PCDHGB6: variants seen among roughly 807,000 people sequenced by gnomAD.
PCDHGB6 encodes protocadherin gamma-B6.
PCDHGB6 carries 51 observed loss-of-function variants against 59.1 expected under a neutral mutation model. That is an observed-to-expected ratio of 0.86 (90% CI 0.69 to 1.09). The LOEUF is 1.09. Ranked by LOEUF, PCDHGB6 falls within the 50% of genes least tolerant of loss-of-function variation. The pLI is 0.00. For missense variants in PCDHGB6, 1,148 were observed against 1,205.1 expected (o/e 0.95, Z 0.70); for synonymous variants, 466 against 495.1 (o/e 0.94, Z 0.78).
At chr5:141,442,754 T>C (rs2098341364) in intron 1 of PCDHGB6, among the ~76,000 whole-genome samples, 1 of 152,220 alleles carries the variant, frequency 6.6e-6, no homozygotes, top group Non-Finnish European at 1.5e-5. Flanking sequence ...GTTTTGATTA[T>C]ATATATTTGT....
Position 141,438,593 on chromosome 5 carries a change from T to TAC in PCDHGB6, c.2418+27974_2418+27975insCA, listed in dbSNP as rs1414976871. Reference sequence around the variant, plus strand: ...TGATATACATACATACATACATACATATATATATATATATATATATATATA... The same window carrying TAC: ...TGATATACATACATACATACATACATACATATATATATATATATATATATATA... On this transcript the variant is annotated intron_variant, in intron 1 of 3. Transcript: ENST00000520790. Among the ~76,000 whole-genome samples the TAC allele has an allele frequency of 1.6e-3, 115 of 73,944 alleles. 1 individual carries two copies. The highest frequency in any genetic ancestry group is 2.9e-3 in the African/African-American group (63 of 21,786). The allele number at this position is 73,944 out of a possible 152,430, so 48.5% of individuals were successfully genotyped here. A position where few individuals can be genotyped will look rare whatever the true frequency, so the allele number is the denominator to read the frequency against.
intron 1 of PCDHGB6, among the ~76,000 whole-genome samples, chr5:141,449,543 C>T (rs377524476): frequency 2.7e-5 from 4 of 147,148 alleles, no homozygotes; most frequent in Non-Finnish European, 4.5e-5. Context: ...GAGCCGAGAT[C>T]GCACCACTGC....
chr5:141,425,119 T>G (rs1234720658), intron 1 of PCDHGB6, among the ~76,000 whole-genome samples: 1 of 152,220 alleles, frequency 6.6e-6, no homozygotes, highest in Non-Finnish European at 1.5e-5. Context: ...ACATTTTTCT[T>G]GAAGTCAAGA....
chr5:141,478,337 T>C (rs766980546), intron 1 of PCDHGB6: 1 of 1,613,942 alleles, frequency 6.2e-7, no homozygotes, highest in Non-Finnish European at 8.5e-7. Context: ...ACCAGGGCCC[T>C]CCTTGCACGC....
Position 141,432,691 on chromosome 5 carries a change from G to A in PCDHGB6, c.2418+22071G>A, listed in dbSNP as rs1308174141. Reference sequence around the variant, plus strand: ...ACGCGCTCAAGCAGAGCCTCGTAGTGGCCGTCCAGGACCACGGCCAGCCCC... The same window carrying A: ...ACGCGCTCAAGCAGAGCCTCGTAGTAGCCGTCCAGGACCACGGCCAGCCCC... On this transcript the variant is annotated intron_variant, in intron 1 of 3. Transcript: ENST00000520790. The surrounding 1 kb of genome is among the most constrained non-coding windows in gnomAD (Gnocchi z 6.0). 1 of 1,613,942 alleles carries A rather than the reference G, an allele frequency of 6.2e-7. No individual in the cohort carries two copies. Among genetic ancestry groups the A allele is most frequent in the South Asian group, 1.1e-5 (1 of 91,068 alleles).
At chr5:141,421,184 C>G (rs2096551183) in intron 1 of PCDHGB6, 1 of 1,457,940 alleles carries the variant, frequency 6.9e-7, no homozygotes, top group African/African-American at 1.4e-5. Context: ...CGATTCACAA[C>G]CAACCAGCTC....
intron 1 of PCDHGB6, chr5:141,419,140 G>A (rs1359933027): frequency 1.2e-6 from 2 of 1,613,750 alleles, no homozygotes; most frequent in East Asian, 2.2e-5. Flanking sequence ...CCACAGACAG[G>A]GGCAAGCCTC....
chr5:141,485,762 G>A lies in PCDHGB6; in HGVS notation c.2419-9045G>A, dbSNP rs774145313. 3.1e-6 allele frequency: 5 copies of A among 1,614,226 alleles called. No homozygotes were observed. The highest frequency in any genetic ancestry group is 3.3e-5 in the Admixed American group (2 of 60,030). ...CAGCCTGGTCCCAGAGCTGCTCCTG[G>A]AGAAGCCTTTGGATCGAGAGAAGCA... On this transcript the variant is annotated intron_variant, in intron 1 of 3. Transcript: ENST00000520790. The surrounding 1 kb of genome is among the most constrained non-coding windows in gnomAD (Gnocchi z 5.7).
chr5:141,413,024 C>G, intron 1 of PCDHGB6: 1 of 736,254 alleles, frequency 1.4e-6, no homozygotes, highest in Non-Finnish European at 2.1e-6. Context: ...ACAAGCCCCA[C>G]AAACCGGCTG....
In PCDHGB6 at chr5:141,477,787, C is replaced by A; in HGVS notation, c.2419-17020C>A. The stretch of plus-strand genomic sequence containing the variant: ...CCAACATCAGCGTGAACATATTTGT[C>A]ACTGATCGCAATGACAATGCCCCCC... On this transcript the variant is annotated intron_variant, in intron 1 of 3. Transcript: ENST00000520790. The surrounding 1 kb of genome is among the most constrained non-coding windows in gnomAD (Gnocchi z 4.9). The A allele has an allele frequency of 6.2e-7, 1 of 1,614,092 alleles. No homozygotes were observed. The highest frequency in any genetic ancestry group is 8.5e-7 in the Non-Finnish European group (1 of 1,180,034).
At chr5:141,469,951 T>G (rs1467717372) in intron 1 of PCDHGB6, among the ~76,000 whole-genome samples, 2 of 152,034 alleles carry the variant, frequency 1.3e-5, no homozygotes, top group African/African-American at 4.8e-5. Context: ...GCCAGCATGG[T>G]GAAACCCCAT....
At position 141,438,243 on chromosome 5, in the gene PCDHGB6, A is replaced by C. The variant is rs1445738408; in HGVS notation, c.2418+27623A>C. ...TGGTTCAGGAAAATGTTTTTAAAAA[A>C]CTGTCATTGAAGAGACCATAGAATC... On this transcript the variant is annotated intron_variant, in intron 1 of 3. Coordinates refer to ENST00000520790, the MANE Select transcript of PCDHGB6 (RefSeq NM_018926.3). Among the ~76,000 whole-genome samples, 3 of 152,250 alleles carry C rather than the reference A, an allele frequency of 2.0e-5. No individual in the cohort carries two copies. In the East Asian group the frequency reaches 5.8e-4, roughly 29 times the overall value.
At chr5:141,443,330 C>A (rs1005631067) in intron 1 of PCDHGB6, among the ~76,000 whole-genome samples, 44 of 139,282 alleles carry the variant, frequency 3.2e-4, no homozygotes, top group African/African-American at 4.5e-4. Flanking sequence ...AAAAAAAAAA[C>A]AAAAATTAAC....
At chr5:141,478,442 C>G (rs1245219009) in intron 1 of PCDHGB6, 1 of 1,613,608 alleles carries the variant, frequency 6.2e-7, no homozygotes, top group Non-Finnish European at 8.5e-7. Flanking sequence ...GCTGAAGAAA[C>G]CTGGTGCAGC....
rs749487100 is a variant in PCDHGB6 at position 141,408,253 on chromosome 5, A to G, written c.51A>G (p.Leu17=). The change falls in exon 1 of 4, where the codon CTA becomes CTG. Residue 17 remains leucine (L), a synonymous_variant. Transcript: ENST00000520790. ...QRRRAGPRQV[L]FPLLLPLFYP... ...GCCGGGCCGGCCCGCGGCAGGTGCT[A>G]TTTCCTTTGCTGCTGCCTTTGTTCT... is the stretch of plus-strand genomic sequence containing the variant. 550 of 1,599,220 alleles carry G rather than the reference A, an allele frequency of 3.4e-4. No individual in the cohort carries two copies. Among genetic ancestry groups the G allele is most frequent in the Non-Finnish European group, 4.4e-4 (519 of 1,172,668 alleles).
At chr5:141,441,763 G>A in intron 1 of PCDHGB6, 1 of 384,020 alleles carries the variant, frequency 2.6e-6, no homozygotes, top group Non-Finnish European at 5.2e-6. Flanking sequence ...GTGAGCCTGC[G>A]CGTGTTGGTG....
rs770249472 is a variant in PCDHGB6, at chr5:141,477,747, C to T, written c.2419-17060C>T. On this transcript the variant is annotated intron_variant, in intron 1 of 3. Transcript: ENST00000520790. The surrounding 1 kb of genome is among the most constrained non-coding windows in gnomAD (Gnocchi z 4.9). ...ACAGCTCATATCAGCGATGGGGGCA[C>T]CCCGGTCCTAGCCACCAACATCAGC... 6.2e-7 allele frequency: 1 copy of T among 1,613,840 alleles called. No individual in the cohort carries two copies. The highest frequency in any genetic ancestry group is 1.7e-5 in the Admixed American group (1 of 60,026).
intron 1 of PCDHGB6, among the ~76,000 whole-genome samples, chr5:141,439,076 C>G (rs1358035789): frequency 6.6e-6 from 1 of 151,590 alleles, no homozygotes; most frequent in East Asian, 2.0e-4. Context: ...GCCTGTAATC[C>G]CAGCTACTCA....
intron 2 of PCDHGB6, among the ~76,000 whole-genome samples, chr5:141,499,234 A>G (rs1294400331): frequency 6.6e-6 from 1 of 152,008 alleles, no homozygotes; most frequent in Non-Finnish European, 1.5e-5. Flanking sequence ...AGCTGTCCCC[A>G]GCCTCTGCAC....
Sources: allele counts gnomAD v4.1 joint callset (sites outside exome capture counted in the v4.1 genomes callset), GRCh38; gene constraint gnomAD v4.1.1; non-coding constraint Gnocchi (gnomAD v3.1); transcripts MANE v1.5; gene names NCBI Gene and HGNC (gene_info 2026-07-23, HGNC 2026-07-21).